Variants in DAB1 observed in about 807,000 individuals in gnomAD.
The protein encoded by DAB1 is DAB adaptor protein 1.
A neutral mutation model predicts 64.6 loss-of-function variants in DAB1; 15 were observed. That is an observed-to-expected ratio of 0.23 (90% CI 0.16 to 0.36). The LOEUF (loss-of-function observed/expected upper bound fraction) is 0.36. DAB1 is among the 10% of genes least tolerant of loss of function. The pLI, the probability that DAB1 is intolerant of heterozygous loss-of-function variation, is 1.00. For synonymous variants in DAB1, 235 were observed against 251.9 expected (o/e 0.93, Z 0.64); for missense variants, 596 against 706.7 (o/e 0.84, Z 1.78).
intron 4 of DAB1, among the ~76,000 whole-genome samples, chr1:58,261,971 A>T (rs566197133): frequency 6.6e-6 from 1 of 152,330 alleles, no homozygotes; most frequent in African/African-American, 2.4e-5. Flanking sequence ...TGCAATCTCT[A>T]TAAAACATCC....
At chr1:57,031,942 G>A (rs982260952) in intron 9 of DAB1, among the ~76,000 whole-genome samples, 2 of 152,212 alleles carry the variant, frequency 1.3e-5, no homozygotes, top group Non-Finnish European at 2.9e-5. Context: ...ATTGGAAGGT[G>A]TACAGGACAG....
intron 6 of DAB1, among the ~76,000 whole-genome samples, chr1:57,808,978 C>T (rs771437401): frequency 4.6e-5 from 7 of 152,176 alleles, no homozygotes; most frequent in South Asian, 2.1e-4. Flanking sequence ...CAAGGACAGA[C>T]GCTGCTTCAC....
intron 7 of DAB1, among the ~76,000 whole-genome samples, chr1:57,503,285 G>C (rs921194156): frequency 6.6e-6 from 1 of 152,212 alleles, no homozygotes; most frequent in Non-Finnish European, 1.5e-5. Flanking sequence ...CTGGGGCTCA[G>C]ACTATACATT....
intron 2 of DAB1, among the ~76,000 whole-genome samples, chr1:57,220,216 C>T (rs1666751165): frequency 1.3e-5 from 2 of 152,154 alleles, no homozygotes; most frequent in South Asian, 2.1e-4. Context: ...GTTCATTTGG[C>T]TGGTGGTCAT....
chr1:57,738,499 T>C (rs181943136), intron 6 of DAB1, among the ~76,000 whole-genome samples: 1,632 of 150,006 alleles, frequency 0.011, 23 homozygotes, highest in African/African-American at 0.038. Context: ...ACCCCACACA[T>C]ACCCCCAACC....
At chr1:57,835,690 T>A (rs1036581870) in intron 1 of DAB1, among the ~76,000 whole-genome samples, 4 of 152,222 alleles carry the variant, frequency 2.6e-5, no homozygotes, top group African/African-American at 9.6e-5. Flanking sequence ...GGTGCAGTGA[T>A]AGATTGTGCC....
At chr1:58,256,580 G>T (rs1214378046) in intron 4 of DAB1, among the ~76,000 whole-genome samples, 1 of 152,190 alleles carries the variant, frequency 6.6e-6, no homozygotes, top group African/African-American at 2.4e-5. Context: ...TGCAATTTAT[G>T]ATATACCTAC....
intron 6 of DAB1, among the ~76,000 whole-genome samples, chr1:57,664,241 G>A (rs1344525373): frequency 6.6e-6 from 1 of 152,164 alleles, no homozygotes; most frequent in Admixed American, 6.5e-5. Context: ...ACCACTTTGT[G>A]AGACCAAAGA....
intron 1 of DAB1, among the ~76,000 whole-genome samples, chr1:58,541,960 A>G (rs141676947): frequency 2.8e-4 from 43 of 152,354 alleles, no homozygotes; most frequent in African/African-American, 9.6e-4. Context: ...TGGGGAAAAA[A>G]ATATGTAAAC....
intron 2 of DAB1, among the ~76,000 whole-genome samples, chr1:57,173,330 G>A (rs1185082863): frequency 1.3e-5 from 2 of 152,098 alleles, no homozygotes; most frequent in Non-Finnish European, 2.9e-5. Flanking sequence ...CATCACAAGT[G>A]GAAAATTCCA....
Position 58,148,617 on chromosome 1 carries a change from G to A in DAB1, n.387+1894C>T, listed in dbSNP as rs191407424. 2.7e-3 allele frequency among the ~76,000 whole-genome samples: 405 copies of A among 152,320 alleles called. 1 individual carries two copies. The highest frequency in any genetic ancestry group is 4.7e-3 in the Non-Finnish European group (322 of 68,028). Reference sequence around the variant, plus strand: ...GTTTAATGGACTCACAGTTCCACATGGTTGGGGAGGTCTCACAATCATGGC... The same window carrying A: ...GTTTAATGGACTCACAGTTCCACATAGTTGGGGAGGTCTCACAATCATGGC... On this transcript the variant is annotated intron_variant and non_coding_transcript_variant, in intron 5 of 20. Transcript: ENST00000485760.
intron 7 of DAB1, among the ~76,000 whole-genome samples, chr1:57,482,196 C>T (rs778594057): frequency 2.0e-5 from 3 of 151,934 alleles, no homozygotes; most frequent in Admixed American, 6.6e-5. Context: ...AATCTAAGTT[C>T]GCATGAAAGA....
chr1:58,265,708 A>G (rs1661143570), intron 4 of DAB1, among the ~76,000 whole-genome samples: 1 of 152,262 alleles, frequency 6.6e-6, no homozygotes, highest in Admixed American at 6.5e-5. Flanking sequence ...AGCAATGTCC[A>G]TACTACTTTG....
chr1:58,275,995 T>C (rs1322856519), intron 4 of DAB1, among the ~76,000 whole-genome samples: 1 of 152,236 alleles, frequency 6.6e-6, no homozygotes, highest in African/African-American at 2.4e-5. Context: ...TAAGAGAAAT[T>C]CTGACACATG....
At chr1:57,137,066 GA>G (rs1570758609) in intron 3 of DAB1, among the ~76,000 whole-genome samples, 1 of 151,698 alleles carries the variant, frequency 6.6e-6, no homozygotes. Flanking sequence ...TATAATTCTG[GA>G]AAAAGTTTTC....
chr1:57,968,538 C>T (rs911941383), intron 5 of DAB1, among the ~76,000 whole-genome samples: 2 of 152,064 alleles, frequency 1.3e-5, no homozygotes, highest in African/African-American at 4.8e-5. Flanking sequence ...ATGCATGTTT[C>T]GAGGATAGGA....
In DAB1 at chr1:57,048,162, G is replaced by A. The variant is rs189617178; in HGVS notation, c.723+14722C>T. Among the ~76,000 whole-genome samples, 279 of 152,286 alleles carry A rather than the reference G, an allele frequency of 1.8e-3. 2 individuals carry two copies. Among genetic ancestry groups the A allele is most frequent in the African/African-American group, 6.3e-3 (262 of 41,564 alleles). Reference sequence around the variant, plus strand: ...TAAATAACCCACCCAAGGTCCCACCGCTGGTAAGTAAGGGATAAAAATTTC... The same window carrying A: ...TAAATAACCCACCCAAGGTCCCACCACTGGTAAGTAAGGGATAAAAATTTC... On this transcript the variant is annotated intron_variant, in intron 9 of 14. Transcript: ENST00000371236.
chr1:58,377,364 G>T (rs1412188016), intron 3 of DAB1, among the ~76,000 whole-genome samples: 1 of 139,710 alleles, frequency 7.2e-6, no homozygotes, highest in Non-Finnish European at 1.6e-5. Context: ...AGCTCTTTTA[G>T]GGCAGGCCTG....
chr1:57,644,714 C>T (rs1442595354), intron 7 of DAB1, among the ~76,000 whole-genome samples: 1 of 151,594 alleles, frequency 6.6e-6, no homozygotes, highest in East Asian at 1.9e-4. Context: ...TATTTATTTA[C>T]TAGAGAGATT....
Sources: gnomAD v4.1 joint callset for allele counts (sites outside exome capture counted in the v4.1 genomes callset) on GRCh38, gnomAD v4.1.1 for gene constraint, MANE v1.5 for transcripts, NCBI Gene and HGNC (gene_info 2026-07-23, HGNC 2026-07-21) for gene names.